The following EIF4E3 variants were observed in gnomAD, a reference collection of about 807,000 sequenced individuals.
EIF4E3 encodes eukaryotic translation initiation factor 4E type 3.
EIF4E3 carries 26 observed loss-of-function variants against 31.7 expected under a neutral mutation model. The observed-to-expected ratio is 0.82, with a 90% CI of 0.60 to 1.14. The LOEUF (loss-of-function observed/expected upper bound fraction) is 1.14, where lower values mean the gene tolerates loss of function less well. Among genes scored for constraint, EIF4E3 ranks in the 50% most tolerant of loss-of-function variants. The probability of loss-of-function intolerance (pLI) is 0.00; values close to 1 mark genes in which losing one functional copy is unlikely to be tolerated. For missense variants in EIF4E3, 304 were observed against 270.9 expected (o/e 1.12, Z -0.86); for synonymous variants, 128 against 107.7 (o/e 1.19, Z -1.17).
upstream of EIF4E3, among the ~76,000 whole-genome samples, chr3:71,728,104 A>G (rs1414576470): frequency 6.6e-6 from 1 of 152,206 alleles, no homozygotes; most frequent in African/African-American, 2.4e-5. Context: ...TTTCTATTTT[A>G]AAGACCTAAT....
At chr3:71,718,796 C>G (rs142653575) in intron 1 of EIF4E3, among the ~76,000 whole-genome samples, 6 of 152,222 alleles carry the variant, frequency 3.9e-5, no homozygotes, top group Non-Finnish European at 8.8e-5. Context: ...TGGAAGTACT[C>G]TATGTCAGGG....
At chr3:71,715,510 C>G (rs1026079944) in intron 1 of EIF4E3, among the ~76,000 whole-genome samples, 1 of 152,210 alleles carries the variant, frequency 6.6e-6, no homozygotes, top group Non-Finnish European at 1.5e-5. Flanking sequence ...GGAAAGAAAG[C>G]TGAGGGAGGA....
chr3:71,732,230 T>G (rs541149875), intron 1 of EIF4E3, among the ~76,000 whole-genome samples: 1 of 152,292 alleles, frequency 6.6e-6, no homozygotes, highest in African/African-American at 2.4e-5. Context: ...TCTTCTCTCC[T>G]CTGACCATCT....
chr3:71,696,816 C>T (rs1246794503), intron 3 of EIF4E3, among the ~76,000 whole-genome samples: 3 of 145,768 alleles, frequency 2.1e-5, no homozygotes, highest in African/African-American at 5.1e-5. Flanking sequence ...CCCGGGTTCA[C>T]GCCATTCTCC....
Position 71,693,933 on chromosome 3 carries a change from A to G in EIF4E3, c.414T>C (p.Val138=). The change falls in exon 5 of 7, where the codon GTT becomes GTC. Residue 138 remains valine, a synonymous_variant. Transcript: ENST00000425534. ...TGGTTGCTAACAGCAACTCTTTCCA[A>G]ACTGTGGACTGATATGGGAAAAGAA... ...MKVPKDSTST[V]WKELLLATIG... 6.3e-7 allele frequency: 1 copy of G among 1,582,432 alleles called. No individual in the cohort carries two copies. Among genetic ancestry groups the G allele is most frequent in the Non-Finnish European group, 8.6e-7 (1 of 1,163,926 alleles).
At chr3:71,720,776 C>G (rs985441784) in intron 1 of EIF4E3, among the ~76,000 whole-genome samples, 1 of 152,098 alleles carries the variant, frequency 6.6e-6, no homozygotes, top group African/African-American at 2.4e-5. Flanking sequence ...TGGGAGCAGG[C>G]AGGAAGCTAA....
chr3:71,722,792 A>C (rs1290765141), intron 1 of EIF4E3, among the ~76,000 whole-genome samples: 2 of 152,070 alleles, frequency 1.3e-5, no homozygotes, highest in African/African-American at 2.4e-5. Flanking sequence ...GGGTATGGGG[A>C]GGGGTTGGTA....
chr3:71,687,425 T>C (rs1204346385), intron 6 of EIF4E3, among the ~76,000 whole-genome samples: 1 of 152,268 alleles, frequency 6.6e-6, no homozygotes, highest in East Asian at 1.9e-4. Context: ...GATATTCATA[T>C]AATTTTCATG....
chr3:71,720,455 A>G (rs2049530710), intron 1 of EIF4E3, among the ~76,000 whole-genome samples: 1 of 152,034 alleles, frequency 6.6e-6, no homozygotes, highest in South Asian at 2.1e-4. Context: ...TCAGCCTCCT[A>G]AAGTACTGTG....
intron 5 of EIF4E3, among the ~76,000 whole-genome samples, chr3:71,690,694 C>G (rs1355121345): frequency 6.6e-6 from 1 of 152,214 alleles, no homozygotes; most frequent in African/African-American, 2.4e-5. Flanking sequence ...GACTGCTCAT[C>G]TGCTTTCTGC....
chr3:71,713,365 T>A (rs979054610), intron 1 of EIF4E3, among the ~76,000 whole-genome samples: 1 of 152,342 alleles, frequency 6.6e-6, no homozygotes, highest in Middle Eastern at 3.4e-3. Context: ...TTGCCTTTTT[T>A]AAGTGGAGTT....
At chr3:71,718,438 C>T (rs935229248) in intron 1 of EIF4E3, among the ~76,000 whole-genome samples, 25 of 152,176 alleles carry the variant, frequency 1.6e-4, no homozygotes, top group African/African-American at 6.0e-4. Context: ...TATGGTCATT[C>T]CTAGTCTATC....
chr3:71,705,255 T>C (rs1318544201), intron 2 of EIF4E3, among the ~76,000 whole-genome samples: 1 of 152,154 alleles, frequency 6.6e-6, no homozygotes, highest in East Asian at 1.9e-4. Flanking sequence ...GAAAACCTCT[T>C]CTTCTGAAGG....
In EIF4E3 at chr3:71,707,598, C is replaced by T. The variant is rs531868382; in HGVS notation, c.249+2814G>A. On this transcript the variant is annotated intron_variant, in intron 2 of 6. Coordinates refer to ENST00000425534, the MANE Select transcript of EIF4E3 (RefSeq NM_001134651.2). ...GATCCTTAGGGCAGTGTTTATCAGC[C>T]ATTTTTTTCACTGTTCCCCCCTTAG... Among the ~76,000 whole-genome samples the T allele has an allele frequency of 2.6e-4, 40 of 152,266 alleles. 1 individual carries two copies. The highest frequency in any genetic ancestry group is 9.4e-4 in the African/African-American group (39 of 41,556).
intron 1 of EIF4E3, among the ~76,000 whole-genome samples, chr3:71,721,644 G>C (rs1302592027): frequency 1.3e-5 from 2 of 152,090 alleles, no homozygotes; most frequent in Non-Finnish European, 2.9e-5. Flanking sequence ...CATTTACCCT[G>C]CTTGCACTCA....
intron 3 of EIF4E3, 124 bp from the exon 4 acceptor site, chr3:71,696,644 C>A: frequency 9.2e-7 from 1 of 1,086,042 alleles, no homozygotes; most frequent in Non-Finnish European, 1.3e-6. Context: ...AATAGTTGGG[C>A]ATTTTTCTTA....
At chr3:71,687,076 C>A (rs1186731493) in intron 6 of EIF4E3, among the ~76,000 whole-genome samples, 1 of 152,222 alleles carries the variant, frequency 6.6e-6, no homozygotes, top group African/African-American at 2.4e-5. Flanking sequence ...TCCTGGCTCA[C>A]TGCAACCTTC....
chr3:71,737,135 A>G lies in EIF4E3; in HGVS notation c.-290-8512T>C, dbSNP rs544223581. Reference sequence around the variant, plus strand: ...CGGAGGCTCAAAATGGTTAAATAACATTCCCATCATCACCCAGCAAGAGGT... The same window carrying G: ...CGGAGGCTCAAAATGGTTAAATAACGTTCCCATCATCACCCAGCAAGAGGT... On this transcript the variant is annotated intron_variant, in intron 1 of 7. Coordinates refer to the EIF4E3 transcript ENST00000295612. Among the ~76,000 whole-genome samples the G allele has an allele frequency of 3.3e-5, 5 of 152,312 alleles. No homozygotes were observed. In the East Asian group the frequency reaches 5.8e-4, roughly 18 times the overall value.
intron 1 of EIF4E3, among the ~76,000 whole-genome samples, chr3:71,745,726 A>G (rs573585857): frequency 6.6e-6 from 1 of 152,310 alleles, no homozygotes; most frequent in East Asian, 1.9e-4. Flanking sequence ...TGGTGGTTGC[A>G]TTGAGTCTGT....
Sources: allele counts gnomAD v4.1 joint callset (sites outside exome capture counted in the v4.1 genomes callset), GRCh38; gene constraint gnomAD v4.1.1; transcripts MANE v1.5; gene names NCBI Gene and HGNC (gene_info 2026-07-23, HGNC 2026-07-21).